PANX1: variants seen among roughly 807,000 people sequenced by gnomAD.
PANX1 encodes pannexin-1.
A neutral mutation model predicts 38.7 loss-of-function variants in PANX1; 30 were observed. The observed-to-expected ratio is 0.78, with a 90% confidence interval of 0.58 to 1.05. PANX1 has a LOEUF of 1.05. Among genes scored for constraint, PANX1 ranks in the 50% least tolerant of loss-of-function variants. The probability of loss-of-function intolerance (pLI) is 0.00; values close to 1 mark genes in which losing one functional copy is unlikely to be tolerated. For missense variants in PANX1, 551 were observed against 517.2 expected, an observed-to-expected ratio of 1.07 and a Z score of -0.63; for synonymous variants, 230 against 212.2, an observed-to-expected ratio of 1.08 and a Z score of -0.73.
chr11:94,163,842 A>C (rs1947074145), intron 2 of PANX1, among the ~76,000 whole-genome samples: 1 of 152,188 alleles, frequency 6.6e-6, no homozygotes, highest in Admixed American at 6.5e-5. Context: ...AGAATTTAGC[A>C]GTGAAGCCAT....
rs534921863 is a variant in PANX1 at position 94,181,179 on chromosome 11, C to T, written c.*310C>T. 1.4e-5 allele frequency: 4 copies of T among 282,646 alleles called. No homozygotes were observed. The highest frequency in any genetic ancestry group is 6.4e-5 in the East Asian group (1 of 15,708). The allele number at this position is 282,646 out of a possible 1,614,324, so 17.5% of individuals were successfully genotyped here. A position where few individuals can be genotyped will look rare whatever the true frequency, so the allele number is the denominator to read the frequency against. ...AAGAGCAGTAGCCCTGTCAGAGCCT[C>T]GGAGCAATACCTTTCTGTACCCGTG... is the stretch of plus-strand genomic sequence containing the variant. On this transcript the variant is annotated 3_prime_UTR_variant, in exon 5 of 5. Transcript: ENST00000227638.
At chr11:94,165,284 G>T (rs1390988977) in intron 2 of PANX1, among the ~76,000 whole-genome samples, 2 of 149,680 alleles carry the variant, frequency 1.3e-5, no homozygotes, top group East Asian at 3.9e-4. Flanking sequence ...GTGTATAAAT[G>T]ATTTTTTTGG....
At chr11:94,160,716 CCCATTTACA>C (rs1329937987) in intron 2 of PANX1, among the ~76,000 whole-genome samples, 1 of 152,122 alleles carries the variant, frequency 6.6e-6, no homozygotes, top group African/African-American at 2.4e-5. Flanking sequence ...GAGCATTTAG[CCCATTTACA>C]TTTAAAATTA....
chr11:94,133,777 A>G (rs1946656721), intron 1 of PANX1, among the ~76,000 whole-genome samples: 1 of 152,234 alleles, frequency 6.6e-6, no homozygotes, highest in Non-Finnish European at 1.5e-5. Context: ...TGGTTTCACC[A>G]GCCCTCATTT....
intron 2 of PANX1, among the ~76,000 whole-genome samples, chr11:94,165,793 C>G (rs1387997374): frequency 6.6e-6 from 1 of 152,124 alleles, no homozygotes; most frequent in African/African-American, 2.4e-5. Context: ...GCCTGTAATC[C>G]CAGCTACTCG....
intron 1 of PANX1, among the ~76,000 whole-genome samples, chr11:94,133,834 C>T (rs1338754997): frequency 6.6e-6 from 1 of 152,156 alleles, no homozygotes; most frequent in Non-Finnish European, 1.5e-5. Flanking sequence ...ACAAGTGCTC[C>T]ATAGGAATTT....
intron 1 of PANX1, among the ~76,000 whole-genome samples, chr11:94,147,986 C>T (rs1017417054): frequency 6.6e-6 from 1 of 152,060 alleles, no homozygotes; most frequent in Non-Finnish European, 1.5e-5. Context: ...CAGGTGTTAG[C>T]CCTGATGTGT....
chr11:94,180,120 A>C lies in PANX1; in HGVS notation c.1064A>C (p.Lys355Thr). Residue 355 changes from lysine (K) to threonine (T), a missense_variant, in exon 4 of 5, where the codon AAG becomes ACG. Coordinates refer to ENST00000227638, the MANE Select transcript of PANX1 (RefSeq NM_015368.4). ...YKCLKVLENI[K>T]SSGQGIDPML... ...TGTCTTAAGGTACTGGAGAATATTA[A>C]GAGCAGTGGTCAGGGGATCGACCCA... 1 of 1,614,114 alleles carries C rather than the reference A, an allele frequency of 6.2e-7. No homozygotes were observed. The highest frequency in any genetic ancestry group is 1.1e-5 in the South Asian group (1 of 91,076).
At chr11:94,140,915 C>A (rs1164709087) in intron 1 of PANX1, among the ~76,000 whole-genome samples, 1 of 152,014 alleles carries the variant, frequency 6.6e-6, no homozygotes, top group Admixed American at 6.5e-5. Context: ...GCATTATTTT[C>A]TATTTTTGAA....
In PANX1 at chr11:94,179,910, T is replaced by C. The variant is rs749104581; in HGVS notation, c.854T>C (p.Val285Ala). ...LLSVINLVVYVLLAPVVVYTL... is the reference protein window; with the variant it reads ...LLSVINLVVYALLAPVVVYTL... ...AGTGTCATTAACCTTGTGGTTTATGTCCTGCTGGCTCCCGTGGTTGTCTAC... is the reference window on the plus strand; with the variant it reads ...AGTGTCATTAACCTTGTGGTTTATGCCCTGCTGGCTCCCGTGGTTGTCTAC... Residue 285 changes from valine (V) to alanine (A), a missense_variant, in exon 4 of 5, where the codon GTC becomes GCC. By Grantham distance (64) the Val-to-Ala change is moderately conservative. Coordinates refer to ENST00000227638, the MANE Select transcript of PANX1 (RefSeq NM_015368.4). 6.2e-7 allele frequency: 1 copy of C among 1,612,418 alleles called. No individual in the cohort carries two copies.
rs1947302293 is a variant in PANX1 at position 94,181,107 on chromosome 11, T to C, written c.*238T>C. 1.6e-5 allele frequency: 8 copies of C among 498,144 alleles called. No homozygotes were observed. The Admixed American group carries it at 1.6e-4, about 10-fold the overall frequency. The allele number at this position is 498,144 out of a possible 1,614,324, so 30.9% of individuals were successfully genotyped here. ...TAGTAAACTGCAGCAAGTAACTATG[T>C]GTAAGTCCTCATCAAATGAAAAGCA... On this transcript the variant is annotated 3_prime_UTR_variant, in exon 5 of 5. Transcript: ENST00000227638.
At chr11:94,132,392 A>G (rs1399036919) in intron 1 of PANX1, among the ~76,000 whole-genome samples, 2 of 152,204 alleles carry the variant, frequency 1.3e-5, no homozygotes, top group Non-Finnish European at 2.9e-5. Flanking sequence ...ATGAACAGTG[A>G]GAGTTTCAGG....
At chr11:94,162,860 C>T (rs1454675900) in intron 2 of PANX1, among the ~76,000 whole-genome samples, 4 of 147,870 alleles carry the variant, frequency 2.7e-5, no homozygotes, top group Non-Finnish European at 5.9e-5. Context: ...ATCTTGGCTC[C>T]ACCAACCTCT....
chr11:94,145,343 G>A (rs1019445589), intron 1 of PANX1, among the ~76,000 whole-genome samples: 1 of 152,134 alleles, frequency 6.6e-6, no homozygotes, highest in Non-Finnish European at 1.5e-5. Context: ...TTCTAGTGCT[G>A]TTGGTTTAAA....
In PANX1 at chr11:94,170,257, C is replaced by T. The variant is rs558631591; in HGVS notation, c.322-8112C>T. The stretch of plus-strand genomic sequence containing the variant: ...CCCCTGGCAACCTCCATTCTGTTTT[C>T]TGTCTCTCTGCATTTGTCTATTCTA... On this transcript the variant is annotated intron_variant, in intron 2 of 4. Transcript: ENST00000227638. 1.5e-4 allele frequency among the ~76,000 whole-genome samples: 23 copies of T among 151,748 alleles called. 1 individual carries two copies. The South Asian group carries it at 3.3e-3, about 22-fold the overall frequency.
chr11:94,172,392 G>A (rs1000843485), intron 2 of PANX1, among the ~76,000 whole-genome samples: 1 of 151,738 alleles, frequency 6.6e-6, no homozygotes, highest in Non-Finnish European at 1.5e-5. Flanking sequence ...ATAGGGACCT[G>A]CAATTCTGCA....
chr11:94,134,657 C>CCCCTCCCTCTTCCTCCTTCTCT (rs1946667069), intron 1 of PANX1, among the ~76,000 whole-genome samples: 1 of 143,016 alleles, frequency 7.0e-6, no homozygotes, highest in Non-Finnish European at 1.5e-5. Context: ...CTTCCTCTCC[C>CCCCTCCCTCTTCCTCCTTCTCT]CCCTCCCTCT....
At chr11:94,180,594 A>G (rs1354154653) in intron 4 of PANX1, among the ~76,000 whole-genome samples, 196 bp from the exon 5 acceptor site, 1 of 151,772 alleles carries the variant, frequency 6.6e-6, no homozygotes, top group Non-Finnish European at 1.5e-5. Flanking sequence ...TTTCCTTTCT[A>G]CCTCTGATCT....
chr11:94,149,280 A>G (rs557592372), intron 1 of PANX1, among the ~76,000 whole-genome samples: 5 of 152,106 alleles, frequency 3.3e-5, no homozygotes, highest in Admixed American at 2.0e-4. Flanking sequence ...CCCCAGTCCT[A>G]TTTTTCTTTA....
Sources: allele counts gnomAD v4.1 joint callset (sites outside exome capture counted in the v4.1 genomes callset), GRCh38; gene constraint gnomAD v4.1.1; transcripts MANE v1.5; gene names NCBI Gene and HGNC (gene_info 2026-07-23, HGNC 2026-07-21).